AFF3: variants seen among roughly 807,000 people sequenced by gnomAD.
AFF3 encodes the protein AF4/FMR2 family member 3.
Under a neutral mutation model 129.7 loss-of-function variants are expected in AFF3, and 32 were observed. The ratio of observed to expected loss-of-function variants is 0.25; its 90% CI spans 0.19 to 0.33. The LOEUF is 0.33. Among genes scored for constraint, AFF3 ranks in the 10% least tolerant of loss-of-function variants. AFF3 has a pLI of 1.00. For missense variants in AFF3, 1,373 were observed against 1,592.0 expected, an observed-to-expected ratio of 0.86 and a Z score of 2.34; for synonymous variants, 644 against 635.4, an observed-to-expected ratio of 1.01 and a Z score of -0.20.
At chr2:99,742,761 C>T (rs2105129172) in intron 10 of AFF3, among the ~76,000 whole-genome samples, 1 of 152,334 alleles carries the variant, frequency 6.6e-6, no homozygotes. Context: ...CATGTGAACA[C>T]TGAGATCATG....
intron 13 of AFF3, among the ~76,000 whole-genome samples, chr2:99,632,508 G>T (rs963613381): frequency 6.6e-6 from 1 of 152,172 alleles, no homozygotes; most frequent in Non-Finnish European, 1.5e-5. Flanking sequence ...GGTCCGTCCA[G>T]GGCATCACAC....
intron 11 of AFF3, among the ~76,000 whole-genome samples, chr2:99,723,905 T>A (rs941282839): frequency 6.6e-6 from 1 of 152,032 alleles, no homozygotes; most frequent in Non-Finnish European, 1.5e-5. Flanking sequence ...GACGATGACG[T>A]GAGGACACGT....
In AFF3 at chr2:99,546,716, T is replaced by A. The variant is rs570270227; in HGVS notation, c.*4758A>T. The A allele has an allele frequency of 3.1e-5, 7 of 225,536 alleles. No individual in the cohort carries two copies. Among genetic ancestry groups the A allele is most frequent in the African/African-American group, 1.6e-4 (7 of 45,038 alleles). 14.0% of individuals were successfully genotyped at this position (225,536 alleles called of 1,614,324 possible). On this transcript the variant is annotated 3_prime_UTR_variant, in exon 25 of 25. Transcript: ENST00000672756. ...TGCCTCCGTCTTCTTTAGTTCAAAA[T>A]TATCTTATTTTACTCAACCAAATAT...
chr2:99,627,039 G>T (rs1682649668), intron 13 of AFF3, among the ~76,000 whole-genome samples: 1 of 152,148 alleles, frequency 6.6e-6, no homozygotes, highest in South Asian at 2.1e-4. Context: ...GTGCTGCAAT[G>T]AATATATGCA....
intron 7 of AFF3, among the ~76,000 whole-genome samples, chr2:99,949,879 G>A (rs1398751918): frequency 6.6e-6 from 1 of 152,096 alleles, no homozygotes; most frequent in Non-Finnish European, 1.5e-5. Flanking sequence ...ATAAACTTTA[G>A]GGAAATATGT....
chr2:100,056,524 C>G (rs570737891), intron 4 of AFF3, among the ~76,000 whole-genome samples: 1 of 152,298 alleles, frequency 6.6e-6, no homozygotes, highest in African/African-American at 2.4e-5. Flanking sequence ...GTTCCACAAT[C>G]ACATCTGCAA....
intron 2 of AFF3, chr2:100,106,012 C>T (rs1024224228): frequency 7.6e-7 from 1 of 1,321,834 alleles, no homozygotes. Flanking sequence ...AGCGTCAAGC[C>T]GAAGAGTCAT....
chr2:99,593,493 A>G lies in AFF3; in HGVS notation c.2168T>C (p.Val723Ala). ...GGTGGTCCTGGCGTTGATGGAGCCTACAGGGGCCCTAGGACCACTGCCCCC... is the reference window on the plus strand; with the variant it reads ...GGTGGTCCTGGCGTTGATGGAGCCTGCAGGGGCCCTAGGACCACTGCCCCC... ...ANGGSGPRAP[V>A]GSINARTTSD... Residue 723 changes from valine to alanine, a missense_variant, in exon 15 of 25, where the codon GTA becomes GCA. Val to Ala is a moderately conservative substitution (Grantham distance 64). Transcript: ENST00000672756. 6.2e-7 allele frequency: 1 copy of G among 1,613,660 alleles called. No homozygotes were observed. The highest frequency in any genetic ancestry group is 8.5e-7 in the Non-Finnish European group (1 of 1,179,956).
At chr2:99,719,696 CTTA>C (rs1437081344) in intron 11 of AFF3, among the ~76,000 whole-genome samples, 1 of 152,152 alleles carries the variant, frequency 6.6e-6, no homozygotes, top group Non-Finnish European at 1.5e-5. Flanking sequence ...CTTTCTTATG[CTTA>C]TTATTTACAT....
At chr2:100,133,734 C>T (rs1278614897) in intron 1 of AFF3, among the ~76,000 whole-genome samples, 1 of 152,090 alleles carries the variant, frequency 6.6e-6, no homozygotes, top group African/African-American at 2.4e-5. Context: ...AGATCGAGAC[C>T]ATCCTGGCTA....
chr2:99,759,455 T>C (rs985120405), intron 8 of AFF3, among the ~76,000 whole-genome samples: 4 of 152,238 alleles, frequency 2.6e-5, no homozygotes, highest in Admixed American at 2.0e-4. Flanking sequence ...TACTTATCTT[T>C]GTGGAGACTG....
At chr2:100,050,166 C>T (rs1686175274) in intron 4 of AFF3, among the ~76,000 whole-genome samples, 1 of 151,686 alleles carries the variant, frequency 6.6e-6, no homozygotes, top group South Asian at 2.1e-4. Context: ...CCACTGCACT[C>T]CAGCCTGGGT....
intron 20 of AFF3, among the ~76,000 whole-genome samples, chr2:99,563,889 G>A (rs1421897168): frequency 6.7e-6 from 1 of 150,352 alleles, no homozygotes; most frequent in Non-Finnish European, 1.5e-5. Flanking sequence ...TCTGTATTTT[G>A]CGTGATTCTA....
At chr2:99,808,611 A>G (rs1558870270) in intron 8 of AFF3, among the ~76,000 whole-genome samples, 1 of 152,224 alleles carries the variant, frequency 6.6e-6, no homozygotes, top group Non-Finnish European at 1.5e-5. Flanking sequence ...GAAAGACTGC[A>G]GAATCAATAA....
chr2:99,843,834 A>G (rs1309007609), intron 7 of AFF3, among the ~76,000 whole-genome samples: 3 of 152,240 alleles, frequency 2.0e-5, no homozygotes, highest in African/African-American at 7.2e-5. Context: ...AAAAATAAAT[A>G]AGGATAACCT....
intron 13 of AFF3, among the ~76,000 whole-genome samples, chr2:99,636,696 C>T (rs1683689129): frequency 6.6e-6 from 1 of 152,070 alleles, no homozygotes; most frequent in South Asian, 2.1e-4. Flanking sequence ...TGAGGGCCAG[C>T]AAGAGGACAC....
At chr2:99,894,491 C>T (rs1403833188) in intron 7 of AFF3, among the ~76,000 whole-genome samples, 10 of 149,054 alleles carry the variant, frequency 6.7e-5, no homozygotes, top group Non-Finnish European at 1.3e-4. Flanking sequence ...TTTTTTGAGA[C>T]GGAGTCTCGC....
chr2:99,730,903 T>A (rs1383396358), intron 10 of AFF3, among the ~76,000 whole-genome samples: 1 of 152,212 alleles, frequency 6.6e-6, no homozygotes, highest in African/African-American at 2.4e-5. Flanking sequence ...GTAATGACTT[T>A]GCTTACTTTT....
At chr2:100,072,054 C>T (rs1573338271) in intron 4 of AFF3, among the ~76,000 whole-genome samples, 1 of 152,286 alleles carries the variant, frequency 6.6e-6, no homozygotes, top group Non-Finnish European at 1.5e-5. Flanking sequence ...AAATCACCTG[C>T]ACTTTAACCA....
Sources: gnomAD v4.1 joint callset for allele counts (sites outside exome capture counted in the v4.1 genomes callset) on GRCh38, gnomAD v4.1.1 for gene constraint, MANE v1.5 for transcripts, NCBI Gene and HGNC (gene_info 2026-07-23, HGNC 2026-07-21) for gene names.